PIK3CG: variants seen among roughly 807,000 people sequenced by gnomAD.
The protein encoded by PIK3CG is phosphatidylinositol 4,5-bisphosphate 3-kinase catalytic subunit gamma isoform.
PIK3CG carries 55 observed loss-of-function variants against 102.3 expected under a neutral mutation model. The ratio of observed to expected loss-of-function variants is 0.54; its 90% CI spans 0.43 to 0.67. The LOEUF is 0.67. Ranked by LOEUF, PIK3CG falls within the 30% of genes least tolerant of loss-of-function variation. PIK3CG has a pLI of 0.00. For missense variants in PIK3CG, 1,258 were observed against 1,391.8 expected (o/e 0.90, Z 1.53); for synonymous variants, 552 against 540.0 (o/e 1.02, Z -0.31).
intron 10 of PIK3CG, among the ~76,000 whole-genome samples, chr7:106,887,378 A>G (rs1349446080): frequency 6.6e-6 from 1 of 152,166 alleles, no homozygotes; most frequent in Admixed American, 6.5e-5. Context: ...TGCATTGCAC[A>G]TCTCAGACTT....
At position 106,868,149 on chromosome 7, in the gene PIK3CG, C is replaced by T. The variant is rs760638407; in HGVS notation, c.588C>T (p.Tyr196=). ...TGGCCAGCCGCGACCCCAAGCTCTA[C>T]GCCATGCACCCGTGGGTGACGTCCA... ...AEVASRDPKL[Y]AMHPWVTSKP... is the part of the protein sequence containing the mutation. The change falls in exon 2 of 11, where the codon TAC becomes TAT. Residue 196 remains tyrosine (Y), a synonymous_variant. Transcript: ENST00000496166. The surrounding 1 kb of genome is among the most constrained non-coding windows in gnomAD (Gnocchi z 6.2). 2 of 1,613,294 alleles carry T rather than the reference C, an allele frequency of 1.2e-6. No homozygotes were observed. The highest frequency in any genetic ancestry group is 1.1e-5 in the South Asian group (1 of 91,088).
intron 9 of PIK3CG, 95 bp from the exon 10 acceptor site, chr7:106,886,040 C>T: frequency 2.7e-6 from 3 of 1,125,016 alleles, no homozygotes; most frequent in East Asian, 2.4e-5. Context: ...ATGCTTTCAA[C>T]ACAAGATAGC....
At position 106,907,255 on chromosome 7, in the gene PIK3CG, T is replaced by C. The variant is rs561908218; in HGVS notation, c.*1868T>C. On this transcript the variant is annotated 3_prime_UTR_variant, in exon 11 of 11. Transcript: ENST00000496166. Reference sequence around the variant, plus strand: ...AGGTGATTCTAATTCACAGCCAGAGTTGGAAGCCCTGCGTGGCCTTTGAAG... The same window carrying C: ...AGGTGATTCTAATTCACAGCCAGAGCTGGAAGCCCTGCGTGGCCTTTGAAG... 1.3e-5 allele frequency: 2 copies of C among 157,734 alleles called. No individual in the cohort carries two copies. The highest frequency in any genetic ancestry group is 2.4e-5 in the African/African-American group (1 of 41,754). The allele number at this position is 157,734 out of a possible 1,614,324, so 9.8% of individuals were successfully genotyped here.
Position 106,877,694 on chromosome 7 carries a change from G to A in PIK3CG, c.2392-1825G>A, listed in dbSNP as rs561240393. Among the ~76,000 whole-genome samples, 4 of 152,232 alleles carry A rather than the reference G, an allele frequency of 2.6e-5. No homozygotes were observed. Among genetic ancestry groups the A allele is most frequent in the Admixed American group, 2.6e-4 (4 of 15,288 alleles). On this transcript the variant is annotated intron_variant, in intron 5 of 10. Coordinates refer to ENST00000496166, the MANE Select transcript of PIK3CG (RefSeq NM_001282426.2). This position sits in a 1 kb window ranked among gnomAD's most constrained non-coding sequence, Gnocchi z 4.5. ...TGTCAAGTATCAACTGACCGTATATGTGTGGGTCTACACCTAGATTCTCTG... is the reference window on the plus strand; with the variant it reads ...TGTCAAGTATCAACTGACCGTATATATGTGGGTCTACACCTAGATTCTCTG...
At chr7:106,881,575 G>A (rs1214892849) in intron 6 of PIK3CG, among the ~76,000 whole-genome samples, 9 of 152,156 alleles carry the variant, frequency 5.9e-5, no homozygotes, top group Non-Finnish European at 1.3e-4. Context: ...GGCCAAGCAT[G>A]GTGGCTCACG....
At position 106,872,510 on chromosome 7, in the gene PIK3CG, A is replaced by T. The variant is rs1306985273; in HGVS notation, c.1996-27A>T. ...ATTCAACGACATAGAGTACAGTCCT[A>T]CAAATGCCAATGTGTTCTTCCTTTA... On this transcript the variant is annotated intron_variant, in intron 2 of 10. Coordinates refer to ENST00000496166, the MANE Select transcript of PIK3CG (RefSeq NM_001282426.2). The surrounding 1 kb of genome is among the most constrained non-coding windows in gnomAD (Gnocchi z 5.3). 6.3e-7 allele frequency: 1 copy of T among 1,591,302 alleles called. No homozygotes were observed. Among genetic ancestry groups the T allele is most frequent in the South Asian group, 1.1e-5 (1 of 90,618 alleles).
intron 2 of PIK3CG, among the ~76,000 whole-genome samples, chr7:106,870,101 TCCA>T (rs1355032752): frequency 6.6e-6 from 1 of 152,186 alleles, no homozygotes; most frequent in East Asian, 1.9e-4. Context: ...CCTTCACAAA[TCCA>T]CCACCATATC....
rs1791446240 is a variant in PIK3CG, at chr7:106,897,790, G to GT, written c.3031-7316dup. 6.6e-6 allele frequency among the ~76,000 whole-genome samples: 1 copy of GT among 152,084 alleles called. No individual in the cohort carries two copies. Among genetic ancestry groups the GT allele is most frequent in the African/African-American group, 2.4e-5 (1 of 41,412 alleles). On this transcript the variant is annotated intron_variant, in intron 10 of 10. Coordinates refer to ENST00000496166, the MANE Select transcript of PIK3CG (RefSeq NM_001282426.2). This position sits in a 1 kb window ranked among gnomAD's most constrained non-coding sequence, Gnocchi z 4.6. ...TTTAATCAGCCTATCATTGATGGGCGTTTAGGTTGATTCTGTGTCTTTGCT... is the reference window on the plus strand; with the variant it reads ...TTTAATCAGCCTATCATTGATGGGCGTTTTAGGTTGATTCTGTGTCTTTGCT...
intron 10 of PIK3CG, among the ~76,000 whole-genome samples, chr7:106,889,901 G>A (rs1329050626): frequency 6.6e-6 from 1 of 152,148 alleles, no homozygotes; most frequent in Non-Finnish European, 1.5e-5. Context: ...GAACCCAGGA[G>A]TATCTATTAG....
chr7:106,882,917 CAAAAA>C (rs552794683), intron 7 of PIK3CG, 111 bp from the exon 8 acceptor site: 534 of 413,520 alleles, frequency 1.3e-3, no homozygotes, highest in South Asian at 1.9e-3. Flanking sequence ...GCTCTCTGGT[CAAAAA>C]AAAAAAAAAA....
intron 6 of PIK3CG, among the ~76,000 whole-genome samples, chr7:106,881,122 G>T (rs1286998341): frequency 6.6e-6 from 1 of 152,046 alleles, no homozygotes; most frequent in Non-Finnish European, 1.5e-5. Context: ...CCTTCTATAG[G>T]AATGATCAAG....
intron 9 of PIK3CG, 93 bp from the exon 10 acceptor site, chr7:106,886,042 C>CA (rs1584336884): frequency 8.8e-7 from 1 of 1,140,484 alleles, no homozygotes; most frequent in African/African-American, 1.5e-5. Context: ...GCTTTCAACA[C>CA]AAGATAGCTC....
In PIK3CG at chr7:106,867,805, A is replaced by T. The variant is rs761383890; in HGVS notation, c.244A>T (p.Ser82Cys). The change falls in exon 2 of 11, where the codon AGC (serine) becomes TGC (cysteine). Residue 82 changes from serine (S) to cysteine (C), a missense_variant. Ser to Cys is a moderately radical substitution (Grantham distance 112). Coordinates refer to ENST00000496166, the MANE Select transcript of PIK3CG (RefSeq NM_001282426.2). The surrounding 1 kb of genome is among the most constrained non-coding windows in gnomAD (Gnocchi z 5.1). ...GGTGTGGCTGCGAGCGCTGGAGACC[A>T]GCGTGGCGGCGGACTTCTACCACCG... Reference protein sequence around the residue: ...AQVWLRALETSVAADFYHRLG... With the variant: ...AQVWLRALETCVAADFYHRLG... 1 of 1,612,472 alleles carries T rather than the reference A, an allele frequency of 6.2e-7. No individual in the cohort carries two copies. The highest frequency in any genetic ancestry group is 1.3e-5 in the African/African-American group (1 of 74,942).
chr7:106,874,889 A>G lies in PIK3CG; in HGVS notation c.2391+86A>G. The G allele has an allele frequency of 1.2e-6, 1 of 810,040 alleles. No individual in the cohort carries two copies. Among genetic ancestry groups the G allele is most frequent in the Non-Finnish European group, 2.0e-6 (1 of 489,152 alleles). The allele number at this position is 810,040 out of a possible 1,614,324, so 50.2% of individuals were successfully genotyped here. On this transcript the variant is annotated intron_variant, in intron 5 of 10. Transcript: ENST00000496166. The surrounding 1 kb of genome is among the most constrained non-coding windows in gnomAD (Gnocchi z 4.3). ...GCTGGGGCCCAGTACTTAAAAGCTA[A>G]TGTTTATGCAGAGACAGGGAAGCTG...
intron 2 of PIK3CG, among the ~76,000 whole-genome samples, chr7:106,871,187 C>T (rs1228518286): frequency 6.6e-6 from 1 of 152,220 alleles, no homozygotes; most frequent in Non-Finnish European, 1.5e-5. Flanking sequence ...CTAAATGACT[C>T]ATTCCTGATC....
In PIK3CG at chr7:106,879,681, G is replaced by C. The variant is rs775214424; in HGVS notation, c.2538+16G>C. 3 of 1,596,552 alleles carry C rather than the reference G, an allele frequency of 1.9e-6. No individual in the cohort carries two copies. In the African/African-American group the frequency reaches 4.0e-5, roughly 22 times the overall value. On this transcript the variant is annotated intron_variant, in intron 6 of 10. Transcript: ENST00000496166. The surrounding 1 kb of genome is among the most constrained non-coding windows in gnomAD (Gnocchi z 4.9). ...TATTTTACAGGTATGCTAATTTTAA[G>C]ATTGTTTTCAATTATCTGAAAACAA...
intron 10 of PIK3CG, among the ~76,000 whole-genome samples, chr7:106,888,651 T>C (rs886760232): frequency 1.1e-4 from 17 of 152,262 alleles, no homozygotes; most frequent in African/African-American, 4.1e-4. Flanking sequence ...AAACACACTT[T>C]TGTACATTTG....
intron 10 of PIK3CG, among the ~76,000 whole-genome samples, chr7:106,889,338 C>G (rs577225874): frequency 4.0e-5 from 6 of 149,548 alleles, no homozygotes; most frequent in Non-Finnish European, 7.4e-5. Flanking sequence ...TTGACTATGA[C>G]CTTGTGGTAA....
rs751114861 is a variant in PIK3CG at position 106,867,556 on chromosome 7, T to C, written c.-6T>C. 12 of 1,539,972 alleles carry C rather than the reference T, an allele frequency of 7.8e-6. No homozygotes were observed. Among genetic ancestry groups the C allele is most frequent in the African/African-American group, 4.2e-5 (3 of 71,954 alleles). On this transcript the variant is annotated 5_prime_UTR_variant, in exon 2 of 11. Coordinates refer to ENST00000496166, the MANE Select transcript of PIK3CG (RefSeq NM_001282426.2). This position sits in a 1 kb window ranked among gnomAD's most constrained non-coding sequence, Gnocchi z 5.1. ...TGTGTCCCTCCGCTCCCAGGTCGCATAGGGCATGGAGCTGGAGAACTATAA... is the reference window on the plus strand; with the variant it reads ...TGTGTCCCTCCGCTCCCAGGTCGCACAGGGCATGGAGCTGGAGAACTATAA...
Sources: allele counts gnomAD v4.1 joint callset (sites outside exome capture counted in the v4.1 genomes callset), GRCh38; gene constraint gnomAD v4.1.1; non-coding constraint Gnocchi (gnomAD v3.1); transcripts MANE v1.5; gene names NCBI Gene and HGNC (gene_info 2026-07-23, HGNC 2026-07-21).